POU2F3: variants seen among roughly 807,000 people sequenced by gnomAD.
POU2F3 encodes POU domain, class 2, transcription factor 3.
POU2F3 carries 23 observed loss-of-function variants against 59.2 expected under a neutral mutation model. The ratio of observed to expected loss-of-function variants is 0.39; its 90% CI spans 0.28 to 0.55. The LOEUF is 0.55. Ranked by LOEUF, POU2F3 falls within the 20% of genes least tolerant of loss-of-function variation. POU2F3 has a pLI of 0.66. For synonymous variants in POU2F3, 190 were observed against 214.6 expected, an observed-to-expected ratio of 0.89 and a Z score of 1.00; for missense variants, 473 against 544.5, an observed-to-expected ratio of 0.87 and a Z score of 1.31.
intron 2 of POU2F3, among the ~76,000 whole-genome samples, chr11:120,247,973 A>G (rs1938938360): frequency 6.6e-6 from 1 of 152,182 alleles, no homozygotes; most frequent in Non-Finnish European, 1.5e-5. Flanking sequence ...CTAAGACCAA[A>G]TCAGGGTAAC....
rs777591428 is a variant in POU2F3, at chr11:120,317,214, T to C, written c.1136-15T>C. 1 of 1,613,792 alleles carries C rather than the reference T, an allele frequency of 6.2e-7. No individual in the cohort carries two copies. ...GCATTATTTCCCCCTTGTTTTTGCC[T>C]CTCCTTATCCTCAGTAACGTCATCC... is the stretch of plus-strand genomic sequence containing the variant. On this transcript the variant is annotated splice_polypyrimidine_tract_variant and intron_variant, in intron 11 of 12. Coordinates refer to ENST00000543440, the MANE Select transcript of POU2F3 (RefSeq NM_014352.4).
intron 3 of POU2F3, among the ~76,000 whole-genome samples, chr11:120,281,133 C>T (rs1021408674): frequency 2.0e-5 from 3 of 152,088 alleles, no homozygotes; most frequent in Non-Finnish European, 4.4e-5. Flanking sequence ...CTAGTCTGAC[C>T]CTTAAGCGGC....
chr11:120,317,055 G>A, intron 11 of POU2F3, 174 bp from the exon 12 acceptor site: 1 of 694,376 alleles, frequency 1.4e-6, no homozygotes, highest in Non-Finnish European at 2.5e-6. Flanking sequence ...CCCTCTGGGT[G>A]TGGGCAGAAG....
chr11:120,269,500 G>C (rs940449251), intron 3 of POU2F3, among the ~76,000 whole-genome samples: 11 of 152,100 alleles, frequency 7.2e-5, no homozygotes, highest in African/African-American at 2.7e-4. Flanking sequence ...TGCCAGATGT[G>C]GTCCAGAAAT....
At chr11:120,274,201 A>G (rs1037985636) in intron 3 of POU2F3, among the ~76,000 whole-genome samples, 1 of 152,080 alleles carries the variant, frequency 6.6e-6, no homozygotes, top group Non-Finnish European at 1.5e-5. Context: ...TGTGAATCCT[A>G]GCTCCAGCAC....
rs114309665 is a variant in POU2F3 at position 120,257,930 on chromosome 11, G to A, written c.98-11280G>A. On this transcript the variant is annotated intron_variant, in intron 2 of 12. Transcript: ENST00000543440. ...TCTGAGTTCTTTCTCTCCAGCTCTG[G>A]AGCAAATGACCTTGGGCAAGTTACA... is the stretch of plus-strand genomic sequence containing the variant. Among the ~76,000 whole-genome samples the A allele has an allele frequency of 3.1e-3, 476 of 152,312 alleles. 3 individuals are homozygous for A. The highest frequency in any genetic ancestry group is 0.011 in the African/African-American group (447 of 41,580).
intron 5 of POU2F3, among the ~76,000 whole-genome samples, chr11:120,300,613 A>C (rs1941319966): frequency 6.6e-6 from 1 of 151,892 alleles, no homozygotes; most frequent in African/African-American, 2.4e-5. Context: ...AAAATACAAA[A>C]ATTTGCCGGG....
At chr11:120,267,551 G>A (rs980353614) in intron 2 of POU2F3, among the ~76,000 whole-genome samples, 6 of 110,922 alleles carry the variant, frequency 5.4e-5, no homozygotes, top group African/African-American at 2.1e-4. Context: ...CAGCCCACCT[G>A]CTCTCAGAGA....
chr11:120,295,062 T>C (rs1274942028), intron 3 of POU2F3, among the ~76,000 whole-genome samples: 4 of 152,356 alleles, frequency 2.6e-5, no homozygotes, highest in African/African-American at 9.6e-5. Context: ...GCTTTTCTGC[T>C]ATCACGCACT....
At position 120,318,586 on chromosome 11, in the gene POU2F3, T is replaced by TCACACAAGAA. The variant is rs1941847040; in HGVS notation, c.*195_*196insACACAAGAAC. 2 of 580,968 alleles carry TCACACAAGAA rather than the reference T, an allele frequency of 3.4e-6. No homozygotes were observed. The highest frequency in any genetic ancestry group is 3.0e-6 in the Non-Finnish European group (1 of 330,688). 36.0% of individuals were successfully genotyped at this position (580,968 alleles called of 1,614,324 possible). On this transcript the variant is annotated 3_prime_UTR_variant, in exon 13 of 13. Coordinates refer to ENST00000543440, the MANE Select transcript of POU2F3 (RefSeq NM_014352.4). ...AACTGTGATTGAACCAAGTGCAGAC[T>TCACACAAGAA]CCTAATGCTCTTGAAATACACAGCC...
intron 3 of POU2F3, 107 bp from the exon 4 acceptor site, chr11:120,298,158 C>A: frequency 7.3e-7 from 1 of 1,372,260 alleles, no homozygotes; most frequent in Non-Finnish European, 9.8e-7. Context: ...TAGCTCTCTC[C>A]TCTCTAGGCT....
At position 120,301,304 on chromosome 11, in the gene POU2F3, G is replaced by T; in HGVS notation, c.362-982G>T. ...CACTTGAAATAATGCATGTGAAAAG[G>T]CTGTATCCATTTCAACCGCCATGTC... is the stretch of plus-strand genomic sequence containing the variant. On this transcript the variant is annotated intron_variant, in intron 5 of 12. Transcript: ENST00000543440. 1.1e-5 allele frequency: 3 copies of T among 260,932 alleles called. No homozygotes were observed. In the South Asian group the frequency reaches 1.3e-4, roughly 11 times the overall value. The allele number at this position is 260,932 out of a possible 1,614,324, so 16.2% of individuals were successfully genotyped here.
intron 2 of POU2F3, chr11:120,256,972 T>A (rs1159047165): frequency 3.3e-5 from 5 of 152,216 alleles, no homozygotes; most frequent in Non-Finnish European, 7.3e-5. Context: ...AATTAACCAT[T>A]CTGAGCCTCA....
chr11:120,305,828 T>C lies in POU2F3; in HGVS notation c.769+43T>C, dbSNP rs372937631. The stretch of plus-strand genomic sequence containing the variant: ...GGATGCCAGGGGCCCTAGAGGGCTC[T>C]GCAGGGAAGGGCCAGTGACTTGTCG... On this transcript the variant is annotated intron_variant, in intron 8 of 12. Transcript: ENST00000543440. 12 of 1,606,468 alleles carry C rather than the reference T, an allele frequency of 7.5e-6. No homozygotes were observed. In the Middle Eastern group the frequency reaches 8.6e-4, roughly 115 times the overall value.
upstream of POU2F3, chr11:120,236,657 C>T (rs541267299): frequency 7.2e-4 from 1,076 of 1,491,556 alleles, no homozygotes; most frequent in Non-Finnish European, 9.2e-4. Context: ...CAGCCCAGAG[C>T]TCAAAAAACC....
At chr11:120,251,531 A>T (rs149186235) in intron 2 of POU2F3, among the ~76,000 whole-genome samples, 54 of 152,244 alleles carry the variant, frequency 3.5e-4, no homozygotes, top group African/African-American at 1.2e-3. Context: ...AGCCTCTAGG[A>T]TCTGCACCTC....
intron 3 of POU2F3, among the ~76,000 whole-genome samples, chr11:120,274,092 G>GAAGGAAGGAAGA (rs1200400578): frequency 4.7e-4 from 43 of 91,006 alleles, no homozygotes; most frequent in Non-Finnish European, 5.1e-4. Flanking sequence ...AGAAAGAAAG[G>GAAGGAAGGAAGA]AAGGAAGGAA....
intron 3 of POU2F3, among the ~76,000 whole-genome samples, chr11:120,297,875 A>T (rs1420586758): frequency 1.3e-5 from 2 of 150,882 alleles, no homozygotes; most frequent in Non-Finnish European, 2.9e-5. Flanking sequence ...GGCTCAAATG[A>T]TCCTCCTATC....
At chr11:120,236,728 C>T (rs1033939046), upstream of POU2F3, 22 of 1,461,234 alleles carry the variant, frequency 1.5e-5, no homozygotes, top group East Asian at 4.9e-5. Flanking sequence ...TCTCTACGTT[C>T]CCATTCTAGC....
Sources: gnomAD v4.1 joint callset for allele counts (sites outside exome capture counted in the v4.1 genomes callset) on GRCh38, gnomAD v4.1.1 for gene constraint, MANE v1.5 for transcripts, NCBI Gene and HGNC (gene_info 2026-07-23, HGNC 2026-07-21) for gene names.